Variants in SWT1 observed in about 807,000 individuals in gnomAD.
SWT1 encodes the protein SWT1 RNA endoribonuclease homolog.
A neutral mutation model predicts 107.3 loss-of-function variants in SWT1; 33 were observed. The observed-to-expected ratio is 0.31, with a 90% CI of 0.23 to 0.41. SWT1 has a LOEUF of 0.41. Ranked by LOEUF, SWT1 falls within the 10% of genes least tolerant of loss-of-function variation. The pLI is 1.00. For synonymous variants in SWT1, 345 were observed against 348.3 expected, an observed-to-expected ratio of 0.99 and a Z score of 0.11; for missense variants, 898 against 1,028.9, an observed-to-expected ratio of 0.87 and a Z score of 1.74.
intron 16 of SWT1, among the ~76,000 whole-genome samples, chr1:185,257,136 G>A (rs550157750): frequency 7.8e-4 from 119 of 152,190 alleles, no homozygotes; most frequent in African/African-American, 2.5e-3. Flanking sequence ...CAGTCTGCCC[G>A]TTCTCATATC....
At chr1:185,222,866 C>T (rs1354533391) in intron 15 of SWT1, among the ~76,000 whole-genome samples, 1 of 150,788 alleles carries the variant, frequency 6.6e-6, no homozygotes, top group Non-Finnish European at 1.5e-5. Flanking sequence ...TGCAATAGAA[C>T]ACCAGAACTT....
intron 17 of SWT1, among the ~76,000 whole-genome samples, chr1:185,275,402 A>G (rs1664172359): frequency 6.7e-6 from 1 of 149,880 alleles, no homozygotes; most frequent in Non-Finnish European, 1.5e-5. Context: ...GGTAAATTAT[A>G]TACCAATTTC....
chr1:185,231,033 G>A (rs1188135914), intron 15 of SWT1, among the ~76,000 whole-genome samples: 1 of 152,166 alleles, frequency 6.6e-6, no homozygotes, highest in Non-Finnish European at 1.5e-5. Flanking sequence ...ACATGGGTGA[G>A]CCGTCTCGCC....
intron 10 of SWT1, among the ~76,000 whole-genome samples, chr1:185,195,537 TG>T (rs1271189145): frequency 6.6e-6 from 1 of 152,170 alleles, no homozygotes; most frequent in Non-Finnish European, 1.5e-5. Flanking sequence ...CTGGGTCAAA[TG>T]GTATTTCTGG....
chr1:185,158,556 TGACTA>T (rs1304412052), intron 1 of SWT1, among the ~76,000 whole-genome samples: 8 of 151,704 alleles, frequency 5.3e-5, no homozygotes, highest in African/African-American at 1.9e-4. Context: ...TATTTCTAAA[TGACTA>T]GATGGTTAAC....
At chr1:185,176,030 C>T (rs1212705284) in intron 5 of SWT1, among the ~76,000 whole-genome samples, 1 of 152,172 alleles carries the variant, frequency 6.6e-6, no homozygotes, top group East Asian at 1.9e-4. Context: ...TGGCTCACGC[C>T]TGTAATCCCA....
At chr1:185,253,364 T>G (rs963761226) in intron 16 of SWT1, among the ~76,000 whole-genome samples, 30 of 151,820 alleles carry the variant, frequency 2.0e-4, no homozygotes, top group Non-Finnish European at 2.6e-4. Flanking sequence ...ATCTGTAAAT[T>G]ACCTTGGGCA....
chr1:185,196,051 T>A (rs929599576), intron 10 of SWT1, among the ~76,000 whole-genome samples: 3 of 151,750 alleles, frequency 2.0e-5, no homozygotes, highest in African/African-American at 4.9e-5. Flanking sequence ...GGTGTTTTAG[T>A]CATGAAGTCT....
At position 185,208,841 on chromosome 1, in the gene SWT1, A is replaced by G. The variant is rs1658542164; in HGVS notation, c.1972+2078A>G. Among the ~76,000 whole-genome samples the G allele has an allele frequency of 2.0e-5, 3 of 151,864 alleles. No homozygotes were observed. The South Asian group carries it at 6.2e-4, about 32-fold the overall frequency. ...CATAGCTGTGGCAAGCCACAAGTGC[A>G]CCTGAAGAGGAGAGAGTAAGGGAAA... On this transcript the variant is annotated intron_variant, in intron 13 of 18. Coordinates refer to ENST00000367500, the MANE Select transcript of SWT1 (RefSeq NM_017673.7).
rs969981250 is a variant in SWT1 at position 185,257,353 on chromosome 1, G to C, written c.2442-13970G>C. Reference sequence around the variant, plus strand: ...TGCTTTGTTTACCTAAGCAAGCCTGGGCAATGGAGGGCGCCCCTCCCCCAG... The same window carrying C: ...TGCTTTGTTTACCTAAGCAAGCCTGCGCAATGGAGGGCGCCCCTCCCCCAG... On this transcript the variant is annotated intron_variant, in intron 16 of 18. Coordinates refer to ENST00000367500, the MANE Select transcript of SWT1 (RefSeq NM_017673.7). 1.6e-4 allele frequency among the ~76,000 whole-genome samples: 25 copies of C among 152,286 alleles called. No individual in the cohort carries two copies. In the Middle Eastern group the frequency reaches 0.014, roughly 83 times the overall value.
At chr1:185,211,221 G>A (rs184736266) in intron 13 of SWT1, among the ~76,000 whole-genome samples, 3 of 152,244 alleles carry the variant, frequency 2.0e-5, no homozygotes, top group East Asian at 1.9e-4. Context: ...CCAAAAAAGA[G>A]CCCACATAGC....
chr1:185,211,345 A>G (rs1216881339), intron 13 of SWT1, among the ~76,000 whole-genome samples: 1 of 152,210 alleles, frequency 6.6e-6, no homozygotes, highest in Non-Finnish European at 1.5e-5. Flanking sequence ...TAAAACAGAT[A>G]TATAGACCAG....
intron 18 of SWT1, among the ~76,000 whole-genome samples, chr1:185,285,812 C>T (rs1664913402): frequency 6.6e-6 from 1 of 152,162 alleles, no homozygotes; most frequent in Admixed American, 6.5e-5. Context: ...GTTGAAGAGA[C>T]CATTCTTTCT....
At chr1:185,280,928 G>A in intron 18 of SWT1, 1 of 486,346 alleles carries the variant, frequency 2.1e-6, no homozygotes, top group South Asian at 1.6e-5. Flanking sequence ...ATTTGGTGAG[G>A]TTGGAAACCA....
intron 16 of SWT1, among the ~76,000 whole-genome samples, chr1:185,240,929 A>G (rs982642632): frequency 6.6e-6 from 1 of 152,112 alleles, no homozygotes; most frequent in African/African-American, 2.4e-5. Flanking sequence ...TTTCTGGGAA[A>G]AGAAACCTTA....
chr1:185,171,700 A>G, intron 4 of SWT1: 1 of 484,770 alleles, frequency 2.1e-6, no homozygotes, highest in Non-Finnish European at 4.0e-6. Context: ...AAGGTTTTTC[A>G]TGGATGCCAT....
At chr1:185,173,100 G>A (rs1655227153) in intron 4 of SWT1, among the ~76,000 whole-genome samples, 1 of 149,992 alleles carries the variant, frequency 6.7e-6, no homozygotes. Context: ...TAGCATGTCT[G>A]TGATTGCTAG....
intron 15 of SWT1, among the ~76,000 whole-genome samples, chr1:185,228,230 T>TA (rs1660244916): frequency 6.6e-6 from 1 of 150,452 alleles, no homozygotes; most frequent in Admixed American, 6.6e-5. Flanking sequence ...AGCCTTAAGA[T>TA]ACATTTTCTG....
intron 2 of SWT1, among the ~76,000 whole-genome samples, chr1:185,165,164 T>G (rs1654464276): frequency 6.6e-6 from 1 of 152,176 alleles, no homozygotes; most frequent in African/African-American, 2.4e-5. Context: ...ATGCAACATT[T>G]ATCAGTGAAG....
Sources: gnomAD v4.1 joint callset for allele counts (sites outside exome capture counted in the v4.1 genomes callset) on GRCh38, gnomAD v4.1.1 for gene constraint, MANE v1.5 for transcripts, NCBI Gene and HGNC (gene_info 2026-07-23, HGNC 2026-07-21) for gene names.